The following HS6ST3 variants were observed in gnomAD, a reference collection of about 807,000 sequenced individuals.
HS6ST3 encodes the protein heparan-sulfate 6-O-sulfotransferase 3.
HS6ST3 carries 12 observed loss-of-function variants against 36.7 expected under a neutral mutation model. The ratio of observed to expected loss-of-function variants is 0.33; its 90% CI spans 0.21 to 0.53. The LOEUF (loss-of-function observed/expected upper bound fraction) is 0.53. Ranked by LOEUF, HS6ST3 falls within the 20% of genes least tolerant of loss-of-function variation. The pLI, the probability that HS6ST3 is intolerant of heterozygous loss-of-function variation, is 0.95. For synonymous variants in HS6ST3, 240 were observed against 257.5 expected, an observed-to-expected ratio of 0.93 and a Z score of 0.65; for missense variants, 584 against 640.9, an observed-to-expected ratio of 0.91 and a Z score of 0.96.
intron 1 of HS6ST3, among the ~76,000 whole-genome samples, chr13:96,396,522 A>G (rs2055422403): frequency 1.3e-5 from 2 of 152,132 alleles, no homozygotes; most frequent in African/African-American, 4.8e-5. Flanking sequence ...ATTAAGCTGA[A>G]TTTTAATGTT....
chr13:96,768,670 C>T (rs941878263), intron 1 of HS6ST3, among the ~76,000 whole-genome samples: 2 of 152,058 alleles, frequency 1.3e-5, no homozygotes, highest in African/African-American at 2.4e-5. Context: ...ATCCCATGAG[C>T]GTGCCCTTCA....
chr13:96,322,383 G>GA (rs112941484), intron 1 of HS6ST3, among the ~76,000 whole-genome samples: 8 of 107,212 alleles, frequency 7.5e-5, no homozygotes, highest in Non-Finnish European at 3.7e-5. Context: ...CATCTCTCCA[G>GA]AAAAAAAAAA....
chr13:96,566,066 C>A (rs1208844561), intron 1 of HS6ST3, among the ~76,000 whole-genome samples: 2 of 147,956 alleles, frequency 1.4e-5, no homozygotes, highest in Non-Finnish European at 3.0e-5. Context: ...AAAGAACAGT[C>A]AAGGAAAAAG....
chr13:96,624,747 T>C (rs552233230), intron 1 of HS6ST3, among the ~76,000 whole-genome samples: 1 of 152,330 alleles, frequency 6.6e-6, no homozygotes, highest in Non-Finnish European at 1.5e-5. Context: ...CTCAGTTTTG[T>C]TTTTCAGATT....
chr13:96,091,240 C>G lies in HS6ST3; in HGVS notation c.378C>G (p.Arg126=), dbSNP rs1269090948. The G allele has an allele frequency of 6.3e-7, 1 of 1,598,596 alleles. No homozygotes were observed. The highest frequency in any genetic ancestry group is 1.3e-5 in the African/African-American group (1 of 74,572). The change falls in exon 1 of 2, where the codon CGC becomes CGG. Residue 126 remains arginine (R), a synonymous_variant. Coordinates refer to ENST00000376705, the MANE Select transcript of HS6ST3 (RefSeq NM_153456.4). The part of the protein sequence containing the change: ...ENGSLPRFVP[R]FNFSLKDLTR... Reference sequence around the variant, plus strand: ...GCTCCCTGCCCCGATTCGTGCCGCGCTTCAACTTCAGCCTGAAGGACCTGA... The same window carrying G: ...GCTCCCTGCCCCGATTCGTGCCGCGGTTCAACTTCAGCCTGAAGGACCTGA...
intron 1 of HS6ST3, among the ~76,000 whole-genome samples, chr13:96,765,577 G>C (rs1037179579): frequency 1.6e-5 from 2 of 127,010 alleles, no homozygotes; most frequent in East Asian, 4.5e-4. Flanking sequence ...AGATGTATGC[G>C]CTCTCTCTCT....
intron 1 of HS6ST3, among the ~76,000 whole-genome samples, chr13:96,100,669 C>T (rs909370954): frequency 2.6e-5 from 4 of 152,264 alleles, no homozygotes; most frequent in South Asian, 2.1e-4. Flanking sequence ...GGAGTGCTTT[C>T]TCCTCCCACC....
At chr13:96,261,660 T>C (rs1006676882) in intron 1 of HS6ST3, among the ~76,000 whole-genome samples, 1 of 152,182 alleles carries the variant, frequency 6.6e-6, no homozygotes, top group African/African-American at 2.4e-5. Flanking sequence ...AGGCCTACCT[T>C]TCTTATACAG....
chr13:96,176,554 A>C (rs1238131658), intron 1 of HS6ST3, among the ~76,000 whole-genome samples: 6 of 152,086 alleles, frequency 3.9e-5, no homozygotes, highest in African/African-American at 1.5e-4. Flanking sequence ...AAAAAAAAAA[A>C]TTGAACCCAA....
chr13:96,301,535 A>G (rs59805867), intron 1 of HS6ST3, among the ~76,000 whole-genome samples: 12,264 of 152,196 alleles, frequency 0.081, 566 homozygotes, highest in Middle Eastern at 0.13. Context: ...TATAATACTT[A>G]ACTTCTCTGA....
In HS6ST3 at chr13:96,832,911, A is replaced by G; in HGVS notation, c.1129A>G (p.Thr377Ala). 6.2e-7 allele frequency: 1 copy of G among 1,614,132 alleles called. No individual in the cohort carries two copies. The highest frequency in any genetic ancestry group is 1.7e-5 in the Admixed American group (1 of 60,004). ...CAACCTCAAGTTCATCTCCCCCTTC[A>G]CACAGTTCAACATCACGCGGGCTTC... ...TFNLKFISPF[T>A]QFNITRASNV... The change falls in exon 2 of 2, where the codon ACA becomes GCA. Residue 377 changes from threonine (T) to alanine (A), a missense_variant. Physicochemically the swap from Thr to Ala is moderately conservative, Grantham distance 58 (BLOSUM62 0). This residue lies in a region of HS6ST3 where 360 missense variants were observed against 411.3 expected (regional missense o/e 0.88). Coordinates refer to ENST00000376705, the MANE Select transcript of HS6ST3 (RefSeq NM_153456.4).
intron 1 of HS6ST3, among the ~76,000 whole-genome samples, chr13:96,405,499 A>G (rs913419459): frequency 6.6e-6 from 1 of 152,212 alleles, no homozygotes; most frequent in Non-Finnish European, 1.5e-5. Context: ...CTTATTTCTC[A>G]TAGGTACACA....
chr13:96,645,112 A>G (rs1483960831), intron 1 of HS6ST3, among the ~76,000 whole-genome samples: 3 of 151,940 alleles, frequency 2.0e-5, no homozygotes, highest in Non-Finnish European at 4.4e-5. Flanking sequence ...GCATCAGAAC[A>G]TGGGTTAACC....
intron 1 of HS6ST3, among the ~76,000 whole-genome samples, chr13:96,338,220 A>C (rs1211760375): frequency 6.6e-6 from 1 of 152,096 alleles, no homozygotes; most frequent in Non-Finnish European, 1.5e-5. Flanking sequence ...AGTCACACAA[A>C]GGCTACTTGA....
chr13:96,127,643 C>T (rs1056307938), intron 1 of HS6ST3, among the ~76,000 whole-genome samples: 4 of 152,190 alleles, frequency 2.6e-5, no homozygotes, highest in African/African-American at 9.7e-5. Context: ...CCTTGTATCT[C>T]TCTCACTATT....
At chr13:96,233,842 T>G (rs1026678570) in intron 1 of HS6ST3, among the ~76,000 whole-genome samples, 3 of 151,874 alleles carry the variant, frequency 2.0e-5, no homozygotes, top group African/African-American at 7.3e-5. Context: ...TAGAAGGAAT[T>G]TAAATATAAT....
At chr13:96,787,696 C>T (rs1877685595) in intron 1 of HS6ST3, among the ~76,000 whole-genome samples, 1 of 151,864 alleles carries the variant, frequency 6.6e-6, no homozygotes, top group East Asian at 1.9e-4. Context: ...CAAATATTTT[C>T]TCCCAGACTG....
At position 96,431,630 on chromosome 13, in the gene HS6ST3, G is replaced by C. The variant is rs1232501792; in HGVS notation, c.707+340061G>C. Among the ~76,000 whole-genome samples the C allele has an allele frequency of 2.6e-5, 4 of 152,302 alleles. No homozygotes were observed. The South Asian group carries it at 6.2e-4, about 24-fold the overall frequency. On this transcript the variant is annotated intron_variant, in intron 1 of 1. Coordinates refer to ENST00000376705, the MANE Select transcript of HS6ST3 (RefSeq NM_153456.4). ...GATTGGGCTCTGTCAAGCTAGTCCA[G>C]CTCCTTTTCAAAGATCTTCCACCTT...
At chr13:96,605,879 A>C (rs971347220) in intron 1 of HS6ST3, among the ~76,000 whole-genome samples, 1 of 148,072 alleles carries the variant, frequency 6.8e-6, no homozygotes, top group African/African-American at 2.6e-5. Context: ...AGGAATTAAC[A>C]AGCAAAAAAA....
Sources: gnomAD v4.1 joint callset for allele counts (sites outside exome capture counted in the v4.1 genomes callset) on GRCh38, gnomAD v4.1.1 for gene constraint, gnomAD v4.1.1 regional missense constraint, MANE v1.5 for transcripts, NCBI Gene and HGNC (gene_info 2026-07-23, HGNC 2026-07-21) for gene names.